PCDH15: variants seen among roughly 807,000 people sequenced by gnomAD.
PCDH15 encodes protocadherin related 15, also known as protocadherin-15.
Under a neutral mutation model 178.5 loss-of-function variants are expected in PCDH15, and 129 were observed. The ratio of observed to expected loss-of-function variants is 0.72; its 90% CI spans 0.63 to 0.84. PCDH15 has a LOEUF of 0.84. Ranked by LOEUF, PCDH15 falls within the 40% of genes least tolerant of loss-of-function variation. The pLI is 0.00. For missense variants in PCDH15, 2,230 were observed against 2,099.9 expected, an observed-to-expected ratio of 1.06 and a Z score of -1.21; for synonymous variants, 800 against 732.0, an observed-to-expected ratio of 1.09 and a Z score of -1.50.
At position 54,353,826 on chromosome 10, in the gene PCDH15, C is replaced by T. The variant is rs376104239; in HGVS notation, c.475-7342G>A. Among the ~76,000 whole-genome samples, 23 of 151,874 alleles carry T rather than the reference C, an allele frequency of 1.5e-4. No homozygotes were observed. In the East Asian group the frequency reaches 2.5e-3, roughly 17 times the overall value. ...TGATTAATATTAAGGGTTACTTTCT[C>T]TGAATAAATAATAGACAAATTCATG... On this transcript the variant is annotated intron_variant, in intron 5 of 37. Transcript: ENST00000644397.
At chr10:54,761,816 C>T (rs763636065) in intron 1 of PCDH15, among the ~76,000 whole-genome samples, 20 of 152,116 alleles carry the variant, frequency 1.3e-4, no homozygotes, top group Non-Finnish European at 2.6e-4. Context: ...TCAAACCAAC[C>T]TGTGTCTATA....
intron 3 of PCDH15, among the ~76,000 whole-genome samples, chr10:54,525,995 C>A (rs1434110939): frequency 1.3e-5 from 2 of 152,096 alleles, no homozygotes; most frequent in African/African-American, 4.8e-5. Flanking sequence ...ATAACTCTGG[C>A]AGCTTTCTGA....
chr10:54,314,683 C>T (rs2061131946), intron 8 of PCDH15, among the ~76,000 whole-genome samples: 1 of 152,076 alleles, frequency 6.6e-6, no homozygotes, highest in Non-Finnish European at 1.5e-5. Flanking sequence ...CCTCTGTCTC[C>T]TCCTACCTTC....
chr10:55,129,335 AAG>A (rs1381505666), intron 2 of PCDH15, among the ~76,000 whole-genome samples: 1 of 152,116 alleles, frequency 6.6e-6, no homozygotes, highest in Non-Finnish European at 1.5e-5. Context: ...TAGGTCACAA[AAG>A]AGTCTTTCCC....
rs886047061 is a variant in PCDH15 at position 53,822,413 on chromosome 10, A to C, written c.4368-2183T>G. ...GAGGACAAAAAAGAGAAAAAGGAGAAATGTCAGGAGGAGGAGCAAGAGGAG... is the reference window on the plus strand; with the variant it reads ...GAGGACAAAAAAGAGAAAAAGGAGACATGTCAGGAGGAGGAGCAAGAGGAG... On this transcript the variant is annotated intron_variant, in intron 32 of 37. Transcript: ENST00000644397. The C allele has an allele frequency of 6.3e-6, 10 of 1,578,688 alleles. No homozygotes were observed. Among genetic ancestry groups the C allele is most frequent in the Non-Finnish European group, 6.0e-6 (7 of 1,162,228 alleles).
At chr10:55,615,200 T>C (rs946190269) in intron 2 of PCDH15, among the ~76,000 whole-genome samples, 5 of 148,174 alleles carry the variant, frequency 3.4e-5, no homozygotes, top group Non-Finnish European at 6.0e-5. Flanking sequence ...TTAAGAACAG[T>C]GACTATAATA....
intron 11 of PCDH15, among the ~76,000 whole-genome samples, chr10:54,188,463 G>C (rs1438014765): frequency 6.6e-6 from 1 of 151,674 alleles, no homozygotes; most frequent in African/African-American, 2.4e-5. Flanking sequence ...GGTACACAGA[G>C]AGTTGATTAA....
At chr10:54,876,523 A>G (rs1192887066) in intron 3 of PCDH15, among the ~76,000 whole-genome samples, 1 of 152,182 alleles carries the variant, frequency 6.6e-6, no homozygotes. Context: ...CATTAAGAAC[A>G]TTCATGATTT....
chr10:54,254,145 T>G (rs748495852), intron 8 of PCDH15, among the ~76,000 whole-genome samples: 10 of 152,110 alleles, frequency 6.6e-5, no homozygotes, highest in Non-Finnish European at 1.3e-4. Context: ...TTTCTTGGTA[T>G]TTAAAATTGA....
intron 1 of PCDH15, among the ~76,000 whole-genome samples, chr10:55,178,484 C>T (rs763992176): frequency 2.6e-5 from 4 of 152,166 alleles, no homozygotes; most frequent in Non-Finnish European, 5.9e-5. Flanking sequence ...TTCACCAAGC[C>T]TTCCACCTAG....
At chr10:55,329,617 A>G (rs1844139502) in intron 2 of PCDH15, among the ~76,000 whole-genome samples, 1 of 151,854 alleles carries the variant, frequency 6.6e-6, no homozygotes, top group African/African-American at 2.4e-5. Flanking sequence ...GACTCAGGTT[A>G]GCCCTGAAAA....
chr10:54,003,726 C>T (rs1286420981), intron 20 of PCDH15, among the ~76,000 whole-genome samples: 2 of 88,916 alleles, frequency 2.2e-5, no homozygotes, highest in African/African-American at 4.5e-5. Context: ...TAATCTTACT[C>T]AAACTATTCC....
At position 55,509,736 on chromosome 10, in the gene PCDH15, C is replaced by A. The variant is rs370656224; in HGVS notation, c.-156+117889G>T. Among the ~76,000 whole-genome samples, 6 of 151,822 alleles carry A rather than the reference C, an allele frequency of 4.0e-5. No homozygotes were observed. The South Asian group carries it at 8.3e-4, about 21-fold the overall frequency. On this transcript the variant is annotated intron_variant, in intron 2 of 5. Transcript: ENST00000613346. The stretch of plus-strand genomic sequence containing the variant: ...TTCAGTTTGATAAGGACTTTGGCAG[C>A]AATCTACATTTAATTTTAAACTTGC...
intron 3 of PCDH15, among the ~76,000 whole-genome samples, chr10:54,498,897 A>G (rs1363465056): frequency 6.6e-6 from 1 of 152,120 alleles, no homozygotes; most frequent in Non-Finnish European, 1.5e-5. Context: ...TGGAAGGGGA[A>G]GTAGGCACTT....
At chr10:55,442,465 ATATAT>A (rs1462947092) in intron 2 of PCDH15, among the ~76,000 whole-genome samples, 2 of 50,982 alleles carry the variant, frequency 3.9e-5, no homozygotes, top group Admixed American at 2.1e-4. Context: ...TTATATATAT[ATATAT>A]TATATATATA....
intron 1 of PCDH15, among the ~76,000 whole-genome samples, chr10:54,678,468 G>A (rs375716300): frequency 1.4e-4 from 22 of 151,732 alleles, no homozygotes; most frequent in South Asian, 4.2e-4. Flanking sequence ...TTTATTTTTT[G>A]GTGAGCAACA....
At chr10:54,503,549 A>G (rs1210903248) in intron 3 of PCDH15, among the ~76,000 whole-genome samples, 1 of 151,734 alleles carries the variant, frequency 6.6e-6, no homozygotes, top group Non-Finnish European at 1.5e-5. Flanking sequence ...ACTGCTTAGA[A>G]TGGGCTTGAC....
At chr10:55,476,407 T>G (rs1377975637) in intron 2 of PCDH15, among the ~76,000 whole-genome samples, 1 of 152,054 alleles carries the variant, frequency 6.6e-6, no homozygotes, top group Non-Finnish European at 1.5e-5. Flanking sequence ...GCAGTGAGCT[T>G]CCAACACTAG....
At chr10:54,589,601 T>C (rs1477906996) in intron 2 of PCDH15, among the ~76,000 whole-genome samples, 1 of 152,186 alleles carries the variant, frequency 6.6e-6, no homozygotes, top group Non-Finnish European at 1.5e-5. Context: ...TATTTGTGTG[T>C]GTTATTCATT....
Sources: allele counts gnomAD v4.1 joint callset (sites outside exome capture counted in the v4.1 genomes callset), GRCh38; gene constraint gnomAD v4.1.1; transcripts MANE v1.5; gene names NCBI Gene and HGNC (gene_info 2026-07-23, HGNC 2026-07-21).